Variants in DOCK3 observed in about 807,000 individuals in gnomAD.
DOCK3 encodes the protein dedicator of cytokinesis protein 3.
Under a neutral mutation model 265.6 loss-of-function variants are expected in DOCK3, and 60 were observed. The observed-to-expected ratio is 0.23, with a 90% CI of 0.18 to 0.28. The LOEUF is 0.28. DOCK3 is among the 10% of genes least tolerant of loss of function. DOCK3 has a pLI of 1.00. For synonymous variants in DOCK3, 881 were observed against 938.0 expected (o/e 0.94, Z 1.11); for missense variants, 1,981 against 2,594.3 (o/e 0.76, Z 5.14).
chr3:50,846,819 G>A (rs1026699409), intron 3 of DOCK3, among the ~76,000 whole-genome samples: 6 of 152,124 alleles, frequency 3.9e-5, no homozygotes, highest in African/African-American at 1.2e-4. Flanking sequence ...TGTTCCTAAT[G>A]GTGTTTGAGG....
chr3:51,250,782 G>A (rs2079174962), intron 22 of DOCK3, among the ~76,000 whole-genome samples: 2 of 152,204 alleles, frequency 1.3e-5, no homozygotes. Flanking sequence ...AACAGTTAGG[G>A]AGTGAGCACT....
At chr3:51,036,874 A>G (rs2080292115) in intron 5 of DOCK3, among the ~76,000 whole-genome samples, 1 of 152,070 alleles carries the variant, frequency 6.6e-6, no homozygotes, top group Admixed American at 6.6e-5. Context: ...TGGTTTTAAA[A>G]ACGGGAGTTT....
chr3:51,226,385 T>C (rs2090325226), intron 15 of DOCK3, among the ~76,000 whole-genome samples: 3 of 152,212 alleles, frequency 2.0e-5, no homozygotes. Context: ...TGCAGCCCAC[T>C]TTGTAGAAGA....
intron 5 of DOCK3, among the ~76,000 whole-genome samples, chr3:50,937,949 A>G (rs193293154): frequency 3.4e-4 from 52 of 152,248 alleles, no homozygotes; most frequent in African/African-American, 1.2e-3. Flanking sequence ...GTACAATTAA[A>G]AAAAAACTAT....
At chr3:51,180,262 C>T (rs1388917947) in intron 12 of DOCK3, among the ~76,000 whole-genome samples, 1 of 148,704 alleles carries the variant, frequency 6.7e-6, no homozygotes, top group Non-Finnish European at 1.5e-5. Flanking sequence ...TTTTTAGCAA[C>T]CAAACTTGAA....
intron 4 of DOCK3, among the ~76,000 whole-genome samples, chr3:50,924,370 A>G (rs1255619650): frequency 6.6e-6 from 1 of 152,166 alleles, no homozygotes; most frequent in Non-Finnish European, 1.5e-5. Flanking sequence ...AGTCTTGTCT[A>G]TTGTTCTATA....
chr3:51,029,296 G>A (rs1394789283), intron 5 of DOCK3, among the ~76,000 whole-genome samples: 1 of 152,204 alleles, frequency 6.6e-6, no homozygotes, highest in Non-Finnish European at 1.5e-5. Context: ...TGGTGTCTAA[G>A]AGTAAGAGCC....
At chr3:50,863,406 T>A in intron 3 of DOCK3, 1 of 519,902 alleles carries the variant, frequency 1.9e-6, no homozygotes, top group Non-Finnish European at 3.8e-6. Context: ...ATAGCATAGC[T>A]CTGGGTTACA....
chr3:51,279,966 A>G (rs1468001859), intron 26 of DOCK3, 140 bp from the exon 27 acceptor site: 2 of 668,280 alleles, frequency 3.0e-6, no homozygotes, highest in African/African-American at 3.6e-5. Context: ...ATAAAGCTTT[A>G]GAGGGCTAGA....
intron 3 of DOCK3, among the ~76,000 whole-genome samples, chr3:50,875,619 G>A (rs1028567593): frequency 2.6e-5 from 4 of 152,266 alleles, no homozygotes; most frequent in African/African-American, 7.2e-5. Context: ...ATTTTCACAT[G>A]TTCAACCATC....
chr3:51,041,168 A>G (rs1169834849), intron 5 of DOCK3, among the ~76,000 whole-genome samples: 5 of 9,322 alleles, frequency 5.4e-4, no homozygotes, highest in Admixed American at 2.9e-3. Flanking sequence ...AAATGTATAT[A>G]TATATATATA....
intron 9 of DOCK3, among the ~76,000 whole-genome samples, chr3:51,118,320 A>G (rs1201628559): frequency 2.0e-5 from 3 of 152,154 alleles, no homozygotes; most frequent in African/African-American, 4.8e-5. Flanking sequence ...GTAGACTGAG[A>G]TACTGTTTGG....
chr3:50,749,178 G>C (rs545765618), intron 1 of DOCK3, among the ~76,000 whole-genome samples: 1 of 152,100 alleles, frequency 6.6e-6, no homozygotes. Flanking sequence ...TCTAGGTATA[G>C]CTTTAACTTG....
chr3:51,209,229 A>G (rs551282848), intron 13 of DOCK3, among the ~76,000 whole-genome samples: 2 of 152,342 alleles, frequency 1.3e-5, no homozygotes, highest in African/African-American at 4.8e-5. Context: ...CTAGATATCT[A>G]TATAGATATA....
At chr3:50,967,143 ATGTT>A (rs2077056489) in intron 5 of DOCK3, among the ~76,000 whole-genome samples, 1 of 152,124 alleles carries the variant, frequency 6.6e-6, no homozygotes, top group Non-Finnish European at 1.5e-5. Context: ...ATTTAACTGT[ATGTT>A]TGTACCCATT....
intron 1 of DOCK3, among the ~76,000 whole-genome samples, chr3:50,699,120 T>A (rs1311864781): frequency 6.6e-6 from 1 of 152,210 alleles, no homozygotes; most frequent in Non-Finnish European, 1.5e-5. Flanking sequence ...TCCAACTTCA[T>A]TCTTTTGTAT....
At chr3:50,708,942 C>T (rs908161934) in intron 1 of DOCK3, among the ~76,000 whole-genome samples, 7 of 152,166 alleles carry the variant, frequency 4.6e-5, no homozygotes, top group South Asian at 2.1e-4. Context: ...GAGCCTTAGT[C>T]GCCTTTGGTC....
intron 5 of DOCK3, among the ~76,000 whole-genome samples, chr3:51,014,751 C>T (rs955436046): frequency 1.3e-5 from 2 of 152,044 alleles, no homozygotes; most frequent in African/African-American, 4.8e-5. Flanking sequence ...GTAGTATGGA[C>T]GTTTTAACAA....
intron 4 of DOCK3, among the ~76,000 whole-genome samples, chr3:50,905,231 T>A (rs2049420231): frequency 6.6e-6 from 1 of 152,098 alleles, no homozygotes; most frequent in African/African-American, 2.4e-5. Context: ...CTTAGGATTG[T>A]CTTGGCAATG....
Sources: allele counts gnomAD v4.1 joint callset (sites outside exome capture counted in the v4.1 genomes callset), GRCh38; gene constraint gnomAD v4.1.1; transcripts MANE v1.5; gene names NCBI Gene and HGNC (gene_info 2026-07-23, HGNC 2026-07-21).